Variants in NDEL1 observed in about 807,000 individuals in gnomAD.
NDEL1 encodes the protein nudE neurodevelopment protein 1 like 1.
NDEL1 carries 9 observed loss-of-function variants against 45.7 expected under a neutral mutation model. That is an observed-to-expected ratio of 0.20 (90% confidence interval 0.12 to 0.34). NDEL1 has a LOEUF of 0.34. Ranked by LOEUF, NDEL1 falls within the 10% of genes least tolerant of loss-of-function variation. NDEL1 has a pLI of 1.00. For synonymous variants in NDEL1, 133 were observed against 158.6 expected (o/e 0.84, Z 1.21); for missense variants, 306 against 406.2 (o/e 0.75, Z 2.12).
intron 7 of NDEL1, among the ~76,000 whole-genome samples, chr17:8,459,542 A>G (rs1404300294): frequency 6.6e-6 from 1 of 152,334 alleles, no homozygotes; most frequent in East Asian, 1.9e-4. Context: ...ATCCATTCTC[A>G]TGCAGTAGAA....
At chr17:8,422,732 T>TTTTTCC (rs61230775) in intron 1 of NDEL1, among the ~76,000 whole-genome samples, 58,643 of 149,998 alleles carry the variant, frequency 0.39, 11,639 homozygotes, top group Non-Finnish European at 0.42. Context: ...GTAATTTTCT[T>TTTTTCC]TTTTCCTTTT....
intron 3 of NDEL1, 90 bp from the exon 4 acceptor site, chr17:8,446,664 G>GT (rs1910098210): frequency 8.9e-7 from 1 of 1,129,702 alleles, no homozygotes; most frequent in East Asian, 2.7e-5. Context: ...AATTCCTTGG[G>GT]TTCCCCCCCA....
chr17:8,466,985 C>A lies in NDEL1; in HGVS notation c.1000C>A (p.Pro334Thr), dbSNP rs773989201. 6.2e-7 allele frequency: 1 copy of A among 1,614,224 alleles called. No homozygotes were observed. Among genetic ancestry groups the A allele is most frequent in the Non-Finnish European group, 8.5e-7 (1 of 1,180,042 alleles). Residue 334 changes from proline to threonine, a missense_variant, in exon 9 of 9, where the codon CCA becomes ACA. Pro to Thr is a conservative substitution (Grantham distance 38). Transcript: ENST00000334527. The stretch of plus-strand genomic sequence containing the variant: ...TCCTCCTGGTCTGGGCTCCTCGCGT[C>A]CATCGTCAGCGCCGGGTATGCTGCC... ...PPPPGLGSSRPSSAPGMLPLS... is the reference protein window; with the variant it reads ...PPPPGLGSSRTSSAPGMLPLS...
chr17:8,416,090 C>T (rs748994224), intron 1 of NDEL1, among the ~76,000 whole-genome samples: 1 of 152,130 alleles, frequency 6.6e-6, no homozygotes, highest in Non-Finnish European at 1.5e-5. Flanking sequence ...GCATTAAGTA[C>T]GTTCACATTG....
chr17:8,474,049 A>T (rs1480151589), intron 3 of NDEL1, among the ~76,000 whole-genome samples: 1 of 152,218 alleles, frequency 6.6e-6, no homozygotes, highest in Non-Finnish European at 1.5e-5. Flanking sequence ...CAAGAGTTGG[A>T]GCCAGGACTG....
intron 8 of NDEL1, 69 bp from the exon 9 acceptor site, chr17:8,466,857 TTGTG>T (rs1911628435): frequency 9.3e-6 from 13 of 1,392,370 alleles, no homozygotes; most frequent in African/African-American, 4.3e-5. Context: ...TAATTTCCTA[TTGTG>T]TGTGAGTGAT....
intron 8 of NDEL1, chr17:8,462,654 A>T (rs150211353): frequency 6.6e-6 from 1 of 152,276 alleles, no homozygotes; most frequent in East Asian, 1.9e-4. Context: ...CAGCATGAGA[A>T]AAGTGCCCCA....
chr17:8,421,932 A>G (rs367672251), intron 1 of NDEL1, among the ~76,000 whole-genome samples: 2 of 152,314 alleles, frequency 1.3e-5, no homozygotes, highest in Admixed American at 6.5e-5. Flanking sequence ...CTCACTGTCA[A>G]CAATGTCATC....
chr17:8,450,453 C>T (rs972835425), intron 5 of NDEL1, among the ~76,000 whole-genome samples: 5 of 152,180 alleles, frequency 3.3e-5, no homozygotes, highest in African/African-American at 1.2e-4. Context: ...CCCAAAACTA[C>T]ATCATTTGAA....
chr17:8,425,640 T>A lies in NDEL1; in HGVS notation c.-13+12371T>A, dbSNP rs531920293. On this transcript the variant is annotated intron_variant, in intron 1 of 4. Coordinates refer to the NDEL1 transcript ENST00000582812. ...TCATTGAATAAATGTTAACTGCCCATAACATGCCAGGCATTGGGGCCAGAG... is the reference window on the plus strand; with the variant it reads ...TCATTGAATAAATGTTAACTGCCCAAAACATGCCAGGCATTGGGGCCAGAG... 6.6e-5 allele frequency among the ~76,000 whole-genome samples: 10 copies of A among 151,894 alleles called. No individual in the cohort carries two copies. In the South Asian group the frequency reaches 2.1e-3, roughly 32 times the overall value.
chr17:8,435,004 A>G (rs959276045), upstream of NDEL1, among the ~76,000 whole-genome samples: 2 of 152,056 alleles, frequency 1.3e-5, no homozygotes, highest in African/African-American at 2.4e-5. Flanking sequence ...TGGGAGGCGG[A>G]GGTTGCAGTG....
At chr17:8,454,650 C>A in intron 6 of NDEL1, 146 bp from the exon 7 acceptor site, 1 of 630,556 alleles carries the variant, frequency 1.6e-6, no homozygotes, top group South Asian at 2.1e-5. Flanking sequence ...GTGGTTTAGC[C>A]TATTTATGGT....
At chr17:8,425,794 T>C (rs1406472448) in intron 1 of NDEL1, among the ~76,000 whole-genome samples, 1 of 151,934 alleles carries the variant, frequency 6.6e-6, no homozygotes, top group East Asian at 1.9e-4. Context: ...TTTTTTTTTT[T>C]TCTTTTTTCT....
chr17:8,446,556 AGAG>A (rs1477453797), intron 3 of NDEL1, among the ~76,000 whole-genome samples, 195 bp from the exon 4 acceptor site: 1 of 152,196 alleles, frequency 6.6e-6, no homozygotes, highest in Admixed American at 6.5e-5. Context: ...TTTCTTTCTG[AGAG>A]GAGAATGGTT....
At chr17:8,434,679 A>G (rs1235375161), upstream of NDEL1, among the ~76,000 whole-genome samples, 1 of 152,092 alleles carries the variant, frequency 6.6e-6, no homozygotes, top group Non-Finnish European at 1.5e-5. Flanking sequence ...TTGGGCTAGT[A>G]TCGTCTCCAG....
chr17:8,432,346 A>AG (rs1262367802), upstream of NDEL1, among the ~76,000 whole-genome samples: 2 of 21,514 alleles, frequency 9.3e-5, no homozygotes, highest in Non-Finnish European at 4.0e-4. Context: ...TATTATATAT[A>AG]AATATAAATA....
chr17:8,427,295 G>A (rs1192372869), intron 1 of NDEL1, among the ~76,000 whole-genome samples: 2 of 152,138 alleles, frequency 1.3e-5, no homozygotes, highest in South Asian at 2.1e-4. Flanking sequence ...TTCCCTTTGG[G>A]CTATTCCTGG....
chr17:8,434,010 CA>C (rs1377979875), upstream of NDEL1, among the ~76,000 whole-genome samples: 12 of 152,290 alleles, frequency 7.9e-5, no homozygotes, highest in African/African-American at 2.2e-4. Flanking sequence ...CCATCGCCCT[CA>C]AAAATATAAA....
intron 1 of NDEL1, among the ~76,000 whole-genome samples, chr17:8,429,304 T>TTTAGTTGCAACA (rs1908945361): frequency 6.6e-6 from 1 of 152,186 alleles, no homozygotes; most frequent in Admixed American, 6.5e-5. Context: ...AATGAGTGTT[T>TTTAGTTGCAACA]GCTAAGTGCC....
Sources: allele counts gnomAD v4.1 joint callset (sites outside exome capture counted in the v4.1 genomes callset), GRCh38; gene constraint gnomAD v4.1.1; transcripts MANE v1.5; gene names NCBI Gene and HGNC (gene_info 2026-07-23, HGNC 2026-07-21).